Variants in WDR62 observed in about 807,000 individuals in gnomAD.
WDR62 encodes WD repeat domain 62, also known as WD repeat-containing protein 62.
WDR62 carries 112 observed loss-of-function variants against 160.6 expected under a neutral mutation model. The observed-to-expected ratio is 0.70, with a 90% CI of 0.60 to 0.82. The LOEUF (loss-of-function observed/expected upper bound fraction) is 0.82, where lower values mean the gene tolerates loss of function less well. Ranked by LOEUF, WDR62 falls within the 40% of genes least tolerant of loss-of-function variation. The pLI, the probability that WDR62 is intolerant of heterozygous loss-of-function variation, is 0.00. For missense variants in WDR62, 1,819 were observed against 1,983.8 expected (o/e 0.92, Z 1.58); for synonymous variants, 792 against 815.1 (o/e 0.97, Z 0.48).
At chr19:36,086,865 A>T in intron 13 of WDR62, 53 bp downstream of exon 13, 1 of 1,587,710 alleles carries the variant, frequency 6.3e-7, no homozygotes, top group East Asian at 2.3e-5. Context: ...CTGCTAAAAA[A>T]GGATTCATTC....
chr19:36,104,569 T>C lies in WDR62; in HGVS notation c.4205T>C (p.Val1402Ala), dbSNP rs777217619. The C allele has an allele frequency of 6.2e-7, 1 of 1,613,780 alleles. No homozygotes were observed. ...CCTGCCCGCTGGAGTGAGCCCTGGG[T>C]GCCGGTTGAAGCCCTGCCCCCATCT... ...GSPARWSEPW[V>A]PVEALPPSPL... The change falls in exon 31 of 32, where the codon GTG (valine) becomes GCG (alanine). Residue 1402 changes from valine (V) to alanine (A), a missense_variant. Physicochemically the swap from Val to Ala is moderately conservative, Grantham distance 64. This residue lies in a region of WDR62 where 770 missense variants were observed against 734.2 expected (regional missense o/e 1.05). Transcript: ENST00000401500.
chr19:36,084,476 G>A (rs1366275083), intron 11 of WDR62, among the ~76,000 whole-genome samples, 177 bp from the exon 12 acceptor site: 2 of 152,084 alleles, frequency 1.3e-5, no homozygotes, highest in African/African-American at 2.4e-5. Flanking sequence ...GGTTCAACAC[G>A]GCTCCCTTTA....
chr19:36,104,026 G>A, intron 30 of WDR62, 45 bp downstream of exon 30: 2 of 1,595,844 alleles, frequency 1.3e-6, no homozygotes. Context: ...AGCTCATCCT[G>A]TGTGCTAGTT....
chr19:36,062,272 T>C (rs1970688012), intron 3 of WDR62: 1 of 152,164 alleles, frequency 6.6e-6, no homozygotes, highest in African/African-American at 2.4e-5. Flanking sequence ...CCACATTTGC[T>C]TTATCATTTT....
intron 12 of WDR62, among the ~76,000 whole-genome samples, chr19:36,085,890 C>T (rs1209125140): frequency 2.6e-5 from 4 of 152,112 alleles, no homozygotes; most frequent in African/African-American, 4.8e-5. Flanking sequence ...AGGTATTGCA[C>T]GATGCTGGTC....
Position 36,092,726 on chromosome 19 carries a change from A to G in WDR62, c.2248A>G (p.Asn750Asp). ...CTGGCACCTGGGCCCGGAGATCACCAACTGCATGAAGCAGCACTTGCTGGA... is the reference window on the plus strand; with the variant it reads ...CTGGCACCTGGGCCCGGAGATCACCGACTGCATGAAGCAGCACTTGCTGGA... ...FIWHLGPEIT[N>D]CMKQHLLEID... Residue 750 changes from asparagine (N) to aspartate (D), a missense_variant, in exon 19 of 32, where the codon AAC becomes GAC. Asn to Asp is a conservative substitution (Grantham distance 23). Coordinates refer to ENST00000401500, the MANE Select transcript of WDR62 (RefSeq NM_001083961.2). 1 of 1,614,172 alleles carries G rather than the reference A, an allele frequency of 6.2e-7. No homozygotes were observed.
chr19:36,083,397 T>C (rs1418586860), intron 11 of WDR62, among the ~76,000 whole-genome samples, 156 bp downstream of exon 11: 2 of 152,198 alleles, frequency 1.3e-5, no homozygotes, highest in East Asian at 3.8e-4. Flanking sequence ...ATTGGGAACT[T>C]AAGCTCGTAA....
chr19:36,066,224 G>A, intron 4 of WDR62, 33 bp from the exon 5 acceptor site: 1 of 1,613,658 alleles, frequency 6.2e-7, no homozygotes, highest in African/African-American at 1.3e-5. Flanking sequence ...CCAGTACAGA[G>A]CCCAGCAGCA....
At chr19:36,085,414 C>CTTTTTTTTGTTTTT (rs1972154799) in intron 12 of WDR62, among the ~76,000 whole-genome samples, 1 of 70,382 alleles carries the variant, frequency 1.4e-5, no homozygotes, top group African/African-American at 4.7e-5. Flanking sequence ...CACACCTGAC[C>CTTTTTTTTGTTTTT]TTTTTTTTTT....
Position 36,104,018 on chromosome 19 carries a change from C to G in WDR62, c.4153+37C>G, listed in dbSNP as rs58041656. ...CCTGGAGCAAGGACTGTCCCCTAAG[C>G]TCATCCTGTGTGCTAGTTGGCTCAG... is the stretch of plus-strand genomic sequence containing the variant. On this transcript the variant is annotated intron_variant, in intron 30 of 31. Coordinates refer to ENST00000401500, the MANE Select transcript of WDR62 (RefSeq NM_001083961.2). The G allele has an allele frequency of 0.013, 20,656 of 1,596,522 alleles. 490 individuals are homozygous for G. The highest frequency in any genetic ancestry group is 0.095 in the African/African-American group (7,094 of 74,978).
intron 2 of WDR62, 156 bp downstream of exon 2, chr19:36,059,027 C>A: frequency 1.4e-6 from 1 of 731,330 alleles, no homozygotes; most frequent in Non-Finnish European, 2.5e-6. Context: ...GATTCCATAG[C>A]CCCCTCTCTG....
chr19:36,069,024 A>C (rs902991418), intron 7 of WDR62, among the ~76,000 whole-genome samples: 1 of 141,620 alleles, frequency 7.1e-6, no homozygotes, highest in Non-Finnish European at 1.5e-5. Context: ...CTGGCTGGGC[A>C]GGGGCTGACC....
At chr19:36,092,529 A>C (rs1199109264) in intron 18 of WDR62, among the ~76,000 whole-genome samples, 160 bp from the exon 19 acceptor site, 1 of 152,008 alleles carries the variant, frequency 6.6e-6, no homozygotes, top group Admixed American at 6.6e-5. Context: ...GGATGTGGCA[A>C]GTCCAGCACC....
At chr19:36,063,936 G>C (rs1286040990) in intron 3 of WDR62, among the ~76,000 whole-genome samples, 1 of 152,244 alleles carries the variant, frequency 6.6e-6, no homozygotes, top group Non-Finnish European at 1.5e-5. Flanking sequence ...TGTACAGCCA[G>C]GACTGAGAAC....
At chr19:36,086,432 A>AAG in intron 12 of WDR62, among the ~76,000 whole-genome samples, 1 of 151,988 alleles carries the variant, frequency 6.6e-6, no homozygotes, top group Non-Finnish European at 1.5e-5. Flanking sequence ...TCCCTGGAGG[A>AAG]GCGTCCATGC....
At chr19:36,081,750 C>G (rs1279879484) in intron 10 of WDR62, 180 bp downstream of exon 10, 5 of 792,474 alleles carry the variant, frequency 6.3e-6, no homozygotes, top group South Asian at 5.8e-5. Flanking sequence ...TCTCCTGCCC[C>G]CTCTCTGAGG....
chr19:36,103,616 A>G lies in WDR62; in HGVS notation c.3788A>G (p.Gln1263Arg). ...GTTGGGGAGCTGGCCTCCTTGGGCC[A>G]GGAGCTTCAGGCCATCACCACCGCG... ...SSVGELASLG[Q>R]ELQAITTATT... The change falls in exon 30 of 32, where the codon CAG becomes CGG. Residue 1263 changes from glutamine to arginine, a missense_variant. By Grantham distance (43) the Gln-to-Arg change is conservative. Transcript: ENST00000401500. 6.2e-7 allele frequency: 1 copy of G among 1,610,604 alleles called. No homozygotes were observed. The highest frequency in any genetic ancestry group is 8.5e-7 in the Non-Finnish European group (1 of 1,179,402).
At chr19:36,069,293 A>T (rs1481349419) in intron 7 of WDR62, among the ~76,000 whole-genome samples, 1 of 149,022 alleles carries the variant, frequency 6.7e-6, no homozygotes, top group Non-Finnish European at 1.5e-5. Flanking sequence ...TGCCGGGCGG[A>T]GGGGCTCCTC....
chr19:36,062,344 C>T (rs189240791), intron 3 of WDR62: 2 of 152,058 alleles, frequency 1.3e-5, no homozygotes, highest in Admixed American at 6.5e-5. Context: ...ACATGATGCC[C>T]CTATATCTCT....
Sources: gnomAD v4.1 joint callset for allele counts (sites outside exome capture counted in the v4.1 genomes callset) on GRCh38, gnomAD v4.1.1 for gene constraint, gnomAD v4.1.1 regional missense constraint, MANE v1.5 for transcripts, NCBI Gene and HGNC (gene_info 2026-07-23, HGNC 2026-07-21) for gene names.